The following ARID1B variants were observed in gnomAD, a reference collection of about 807,000 sequenced individuals.
The protein encoded by ARID1B is AT-rich interaction domain 1B.
Under a neutral mutation model 212.3 loss-of-function variants are expected in ARID1B, and 30 were observed. The observed-to-expected ratio is 0.14, with a 90% CI of 0.11 to 0.19. The LOEUF (loss-of-function observed/expected upper bound fraction) is 0.19, where lower values mean the gene tolerates loss of function less well. Among genes scored for constraint, ARID1B ranks in the 10% least tolerant of loss-of-function variants. The pLI is 1.00. For missense variants in ARID1B, 2,891 were observed against 3,204.0 expected (o/e 0.90, Z 2.36); for synonymous variants, 1,402 against 1,301.7 (o/e 1.08, Z -1.66).
At chr6:156,878,255 A>C (rs1479565363) in intron 2 of ARID1B, among the ~76,000 whole-genome samples, 1 of 152,070 alleles carries the variant, frequency 6.6e-6, no homozygotes, top group Non-Finnish European at 1.5e-5. Context: ...TCTTAGGTGT[A>C]AGCGATGAAG....
At chr6:157,039,668 TCCTTCCTTCCTTCCTTCCTTCCTTCC>T (rs1433345119) in intron 4 of ARID1B, among the ~76,000 whole-genome samples, 1,401 of 98,370 alleles carry the variant, frequency 0.014, 29 homozygotes, top group African/African-American at 0.029. Flanking sequence ...CTTCCTTCCT[TCCTTCCTTCCTTCCTTCCTTCCTTCC>T]TTCTTTCTTT....
chr6:156,975,029 C>T (rs1439031503), intron 4 of ARID1B, among the ~76,000 whole-genome samples: 1 of 152,168 alleles, frequency 6.6e-6, no homozygotes, highest in African/African-American at 2.4e-5. Flanking sequence ...CAGTTCTCTT[C>T]AGTAGATACT....
chr6:157,146,087 C>G (rs76389612), intron 7 of ARID1B, among the ~76,000 whole-genome samples: 1 of 152,126 alleles, frequency 6.6e-6, no homozygotes, highest in Non-Finnish European at 1.5e-5. Flanking sequence ...TCTATCCCCC[C>G]GTCAGCCACA....
chr6:156,968,752 T>C (rs577521379), intron 4 of ARID1B, among the ~76,000 whole-genome samples: 229 of 152,348 alleles, frequency 1.5e-3, no homozygotes, highest in African/African-American at 5.3e-3. Flanking sequence ...TTCATTTGAC[T>C]TTTCTGTTTG....
chr6:157,122,933 C>T (rs982561932), intron 6 of ARID1B, among the ~76,000 whole-genome samples: 4 of 152,162 alleles, frequency 2.6e-5, no homozygotes, highest in African/African-American at 7.2e-5. Flanking sequence ...CCACCCGCCT[C>T]AGCCTCCCAA....
At chr6:156,882,937 T>C (rs1278134015) in intron 2 of ARID1B, among the ~76,000 whole-genome samples, 2 of 152,214 alleles carry the variant, frequency 1.3e-5, no homozygotes, top group African/African-American at 4.8e-5. Context: ...GGCCTCAGGA[T>C]AGAGAACAAA....
chr6:156,809,634 G>A (rs1406406683), intron 1 of ARID1B, among the ~76,000 whole-genome samples: 1 of 146,180 alleles, frequency 6.8e-6, no homozygotes, highest in Non-Finnish European at 1.5e-5. Context: ...TTAGATGTAG[G>A]TTTGAGATAA....
At chr6:156,956,966 T>C (rs1794021184) in intron 4 of ARID1B, among the ~76,000 whole-genome samples, 1 of 152,248 alleles carries the variant, frequency 6.6e-6, no homozygotes, top group South Asian at 2.1e-4. Context: ...TATTACAGAC[T>C]GAATTTGGTG....
chr6:157,044,426 G>A (rs951452525), intron 4 of ARID1B, among the ~76,000 whole-genome samples: 7 of 152,156 alleles, frequency 4.6e-5, no homozygotes, highest in Non-Finnish European at 7.3e-5. Flanking sequence ...ACAAAATGAT[G>A]CAGTCGTTAA....
intron 4 of ARID1B, among the ~76,000 whole-genome samples, chr6:156,963,261 T>C (rs1486409396): frequency 6.6e-6 from 1 of 152,216 alleles, no homozygotes; most frequent in Admixed American, 6.5e-5. Flanking sequence ...TGTTCAGTGA[T>C]GTTAAGTTTT....
upstream of ARID1B, chr6:156,776,949 C>T (rs753618884): frequency 6.6e-6 from 1 of 152,202 alleles, no homozygotes; most frequent in Non-Finnish European, 1.5e-5. Flanking sequence ...TGGGAGAGAC[C>T]GTGCTTTTGC....
chr6:157,008,996 G>C (rs748451306), intron 4 of ARID1B, among the ~76,000 whole-genome samples: 3 of 152,172 alleles, frequency 2.0e-5, no homozygotes, highest in Non-Finnish European at 4.4e-5. Flanking sequence ...TAATTCACTG[G>C]GTTAGCTTTT....
intron 4 of ARID1B, among the ~76,000 whole-genome samples, chr6:156,993,556 A>G (rs1380591649): frequency 6.6e-6 from 1 of 152,192 alleles, no homozygotes; most frequent in Non-Finnish European, 1.5e-5. Flanking sequence ...TTAGACCTTT[A>G]AGGCTATGAT....
chr6:157,061,520 G>A (rs1314464550), intron 4 of ARID1B, among the ~76,000 whole-genome samples: 3 of 151,418 alleles, frequency 2.0e-5, no homozygotes, highest in Non-Finnish European at 4.4e-5. Context: ...GTGGGCGTGG[G>A]TATTTTAACT....
At chr6:156,873,630 G>T (rs914958725) in intron 2 of ARID1B, among the ~76,000 whole-genome samples, 1 of 152,370 alleles carries the variant, frequency 6.6e-6, no homozygotes, top group Admixed American at 6.5e-5. Flanking sequence ...GATACACAGT[G>T]TGAATTATTC....
chr6:157,189,534 G>A, intron 13 of ARID1B, 108 bp from the exon 14 acceptor site: 1 of 1,229,422 alleles, frequency 8.1e-7, no homozygotes, highest in Non-Finnish European at 1.1e-6. Flanking sequence ...TAATAAGATG[G>A]TGTCTTATTT....
intron 2 of ARID1B, chr6:156,871,711 TG>T (rs1786149780): frequency 6.4e-7 from 1 of 1,569,684 alleles, no homozygotes; most frequent in African/African-American, 1.3e-5. Flanking sequence ...CATATGACAG[TG>T]GGGGCAGCTG....
rs149030434 is a variant in ARID1B, at chr6:156,863,389, A to T, written c.1986+33968A>T. On this transcript the variant is annotated intron_variant, in intron 2 of 19. Transcript: ENST00000636930. ...GAGCAGGAGACTTGGATGACTCTGGATTCTCAAGGTTGGATGGAAGAGAAG... is the reference window on the plus strand; with the variant it reads ...GAGCAGGAGACTTGGATGACTCTGGTTTCTCAAGGTTGGATGGAAGAGAAG... Among the ~76,000 whole-genome samples the T allele has an allele frequency of 7.2e-5, 11 of 152,254 alleles. No homozygotes were observed. In the East Asian group the frequency reaches 2.1e-3, roughly 29 times the overall value.
chr6:157,088,891 C>CA (rs1295214890), intron 5 of ARID1B, among the ~76,000 whole-genome samples: 3 of 152,206 alleles, frequency 2.0e-5, no homozygotes, highest in African/African-American at 7.2e-5. Flanking sequence ...GCGTGATACT[C>CA]AAACTGTCGA....
Sources: gnomAD v4.1 joint callset for allele counts (sites outside exome capture counted in the v4.1 genomes callset) on GRCh38, gnomAD v4.1.1 for gene constraint, MANE v1.5 for transcripts, NCBI Gene and HGNC (gene_info 2026-07-23, HGNC 2026-07-21) for gene names.